Variants in TMEM204 observed in about 807,000 individuals in gnomAD.
The protein encoded by TMEM204 is claudin-like protein 24.
Under a neutral mutation model 19.4 loss-of-function variants are expected in TMEM204, and 15 were observed. That is an observed-to-expected ratio of 0.77 (90% CI 0.52 to 1.19). The LOEUF (loss-of-function observed/expected upper bound fraction) is 1.19, where lower values mean the gene tolerates loss of function less well. TMEM204 is among the 50% of genes most tolerant of loss of function. The probability of loss-of-function intolerance (pLI) is 0.00; values close to 1 mark genes in which losing one functional copy is unlikely to be tolerated. For synonymous variants in TMEM204, 161 were observed against 146.0 expected (o/e 1.10, Z -0.74); for missense variants, 287 against 321.2 (o/e 0.89, Z 0.81).
chr16:1,532,948 C>G (rs1257477517), upstream of TMEM204: 1 of 152,482 alleles, frequency 6.6e-6, no homozygotes, highest in Non-Finnish European at 1.5e-5. Context: ...GTGGCCCAGG[C>G]CCCACGTGAC....
At chr16:1,545,089 T>A (rs1022172377) in intron 2 of TMEM204, among the ~76,000 whole-genome samples, 4 of 152,252 alleles carry the variant, frequency 2.6e-5, no homozygotes, top group Non-Finnish European at 5.9e-5. Context: ...CTAAATGTAT[T>A]TTAAAAAATC....
intron 1 of TMEM204, among the ~76,000 whole-genome samples, chr16:1,536,273 C>A (rs938982952): frequency 4.6e-5 from 7 of 152,310 alleles, no homozygotes; most frequent in Admixed American, 4.6e-4. Context: ...CCGCGTGTAG[C>A]CTCTGGCACG....
In TMEM204 at chr16:1,534,228, G is replaced by T; in HGVS notation, c.-48G>T. The T allele has an allele frequency of 6.2e-7, 1 of 1,600,040 alleles. No individual in the cohort carries two copies. Reference sequence around the variant, plus strand: ...GGCTCTCCCTGGACGTGCGGCCGCGGACTGGGACTTGGCTTTCTCCGGATA... The same window carrying T: ...GGCTCTCCCTGGACGTGCGGCCGCGTACTGGGACTTGGCTTTCTCCGGATA... On this transcript the variant is annotated 5_prime_UTR_variant, in exon 1 of 3. Transcript: ENST00000566264.
intron 2 of TMEM204, among the ~76,000 whole-genome samples, chr16:1,550,524 C>T (rs1020950474): frequency 6.6e-6 from 1 of 152,262 alleles, no homozygotes; most frequent in Non-Finnish European, 1.5e-5. Context: ...CAGTGCCAGG[C>T]AGGCAGAGGG....
At chr16:1,532,581 G>T (rs530830303), upstream of TMEM204, 217 of 152,422 alleles carry the variant, frequency 1.4e-3, no homozygotes, top group African/African-American at 5.0e-3. Flanking sequence ...GACAGGAAAC[G>T]GTCAAAGCTC....
intron 2 of TMEM204, among the ~76,000 whole-genome samples, chr16:1,544,618 C>T (rs948150010): frequency 2.0e-5 from 3 of 152,128 alleles, no homozygotes; most frequent in African/African-American, 7.2e-5. Flanking sequence ...ACGTGTGCTA[C>T]TGCGCCCAGC....
intron 1 of TMEM204, 53 bp downstream of exon 1, chr16:1,534,608 C>T (rs1884365230): frequency 6.3e-7 from 1 of 1,594,090 alleles, no homozygotes; most frequent in Non-Finnish European, 8.5e-7. Context: ...CTCGAGGGCA[C>T]ATGGGAGATG....
chr16:1,539,353 C>T (rs954734313), intron 1 of TMEM204, among the ~76,000 whole-genome samples: 4 of 152,222 alleles, frequency 2.6e-5, no homozygotes, highest in African/African-American at 4.8e-5. Flanking sequence ...TGCCGCCCCA[C>T]GCCTTAGGCC....
intron 1 of TMEM204, among the ~76,000 whole-genome samples, chr16:1,535,743 A>T (rs2030999330): frequency 6.6e-6 from 1 of 152,154 alleles, no homozygotes; most frequent in Non-Finnish European, 1.5e-5. Flanking sequence ...CCCCTTGTCC[A>T]CTCAAAGGCC....
Position 1,541,952 on chromosome 16 carries a change from G to C in TMEM204, c.312G>C (p.Leu104=). ...TCGACATGATGCGCGCCTGCAACCT[G>C]GTGGCCACGGCCGCGCTCACCGCAG... ...LQFDMMRACN[L]VATAALTAGQ... The change falls in exon 2 of 3, where the codon CTG becomes CTC. Residue 104 remains leucine, a synonymous_variant. Transcript: ENST00000566264. 1 of 1,608,642 alleles carries C rather than the reference G, an allele frequency of 6.2e-7. No homozygotes were observed. The highest frequency in any genetic ancestry group is 1.1e-5 in the South Asian group (1 of 90,734).
intron 1 of TMEM204, among the ~76,000 whole-genome samples, chr16:1,538,182 T>C (rs937670366): frequency 1.3e-5 from 2 of 151,984 alleles, no homozygotes; most frequent in Admixed American, 6.6e-5. Context: ...GGCAGGGCGG[T>C]GGGTCTGTGG....
At chr16:1,535,094 C>G (rs1370787607) in intron 1 of TMEM204, among the ~76,000 whole-genome samples, 1 of 151,816 alleles carries the variant, frequency 6.6e-6, no homozygotes, top group Non-Finnish European at 1.5e-5. Context: ...GTAAAATAAA[C>G]AAGAAGTTTA....
chr16:1,552,451 G>A (rs1290564954), intron 2 of TMEM204, among the ~76,000 whole-genome samples: 1 of 151,778 alleles, frequency 6.6e-6, no homozygotes, highest in Non-Finnish European at 1.5e-5. Flanking sequence ...ACACCCCACC[G>A]GCAGAAAGTG....
Position 1,534,125 on chromosome 16 carries a change from C to T in TMEM204, c.-151C>T, listed in dbSNP as rs1398889868. ...AAGGCCGGGCCGAGAGGCGGCACAC[C>T]TGGACCATCCCATGGGCCTCCGCCC... On this transcript the variant is annotated 5_prime_UTR_variant, in exon 1 of 3. Coordinates refer to ENST00000566264, the MANE Select transcript of TMEM204 (RefSeq NM_024600.6). 1.0e-6 allele frequency: 1 copy of T among 971,670 alleles called. No individual in the cohort carries two copies. Among genetic ancestry groups the T allele is most frequent in the Non-Finnish European group, 1.5e-6 (1 of 677,830 alleles). The allele number at this position is 971,670 out of a possible 1,614,324, so 60.2% of individuals were successfully genotyped here. A position where few individuals can be genotyped will look rare whatever the true frequency, so the allele number is the denominator to read the frequency against.
At chr16:1,536,415 C>T (rs978412929) in intron 1 of TMEM204, among the ~76,000 whole-genome samples, 3 of 152,248 alleles carry the variant, frequency 2.0e-5, no homozygotes, top group Non-Finnish European at 4.4e-5. Context: ...GTCCACTGCT[C>T]CTCCCTGAGC....
chr16:1,544,787 T>G (rs1204055782), intron 2 of TMEM204, among the ~76,000 whole-genome samples: 1 of 151,770 alleles, frequency 6.6e-6, no homozygotes, highest in Admixed American at 6.6e-5. Flanking sequence ...TAGCTGGGAC[T>G]ACAGGCACCC....
chr16:1,529,785 C>T (rs1191336031), upstream of TMEM204, among the ~76,000 whole-genome samples: 1 of 152,220 alleles, frequency 6.6e-6, no homozygotes, highest in Admixed American at 6.5e-5. Flanking sequence ...ACGGCTCAGA[C>T]ACAGCTGCCC....
intron 2 of TMEM204, among the ~76,000 whole-genome samples, chr16:1,549,190 G>T (rs894042263): frequency 6.6e-6 from 1 of 152,256 alleles, no homozygotes; most frequent in Non-Finnish European, 1.5e-5. Context: ...CTCTACCCTA[G>T]TTGTGCTCCA....
chr16:1,553,531 T>TC lies in TMEM204; in HGVS notation c.437-1249dup, dbSNP rs765834523. The TC allele has an allele frequency of 9.0e-6, 9 of 995,802 alleles. No homozygotes were observed. The highest frequency in any genetic ancestry group is 5.2e-5 in the African/African-American group (3 of 57,436). 61.7% of individuals were successfully genotyped at this position (995,802 alleles called of 1,614,324 possible). On this transcript the variant is annotated intron_variant, in intron 2 of 2. Transcript: ENST00000566264. This position sits in a 1 kb window ranked among gnomAD's most constrained non-coding sequence, Gnocchi z 4.4. Reference sequence around the variant, plus strand: ...GAGCCTGGGGAGGGACATGGACAAGTCCTCTATGGACAAGAGGGGCTGGAG... The same window carrying TC: ...GAGCCTGGGGAGGGACATGGACAAGTCCCTCTATGGACAAGAGGGGCTGGAG...
Sources: allele counts gnomAD v4.1 joint callset (sites outside exome capture counted in the v4.1 genomes callset), GRCh38; gene constraint gnomAD v4.1.1; non-coding constraint Gnocchi (gnomAD v3.1); transcripts MANE v1.5; gene names NCBI Gene and HGNC (gene_info 2026-07-23, HGNC 2026-07-21).